The following NCKAP5 variants were observed in gnomAD, a reference collection of about 807,000 sequenced individuals.
NCKAP5 encodes the protein nck-associated protein 5.
NCKAP5 carries 92 observed loss-of-function variants against 167.0 expected under a neutral mutation model. The observed-to-expected ratio is 0.55, with a 90% CI of 0.47 to 0.66. The LOEUF is 0.66. Among genes scored for constraint, NCKAP5 ranks in the 30% least tolerant of loss-of-function variants. NCKAP5 has a pLI of 0.00. For synonymous variants in NCKAP5, 891 were observed against 877.4 expected (o/e 1.02, Z -0.27); for missense variants, 2,378 against 2,315.0 (o/e 1.03, Z -0.56).
chr2:133,191,795 G>A (rs2085234794), intron 5 of NCKAP5, among the ~76,000 whole-genome samples: 2 of 152,094 alleles, frequency 1.3e-5, no homozygotes, highest in Non-Finnish European at 2.9e-5. Context: ...GGGAGGGATA[G>A]CATTAGGAGA....
intron 8 of NCKAP5, among the ~76,000 whole-genome samples, chr2:132,917,415 T>C (rs1382900071): frequency 2.0e-5 from 3 of 152,234 alleles, no homozygotes; most frequent in African/African-American, 7.2e-5. Flanking sequence ...TGATAGTTCA[T>C]AGCCCTTATT....
chr2:133,047,878 T>C (rs2079455078), intron 6 of NCKAP5, among the ~76,000 whole-genome samples: 1 of 152,216 alleles, frequency 6.6e-6, no homozygotes, highest in Admixed American at 6.5e-5. Context: ...TAAAAAATGC[T>C]TTGCAAGGTT....
the NCKAP5 span, among the ~76,000 whole-genome samples, chr2:133,605,406 C>T: frequency 1.1e-4 from 16 of 152,076 alleles, no homozygotes; most frequent in African/African-American, 2.4e-4. Flanking sequence ...TTCTGACAAC[C>T]GAGGCTGTGG....
At chr2:132,810,588 A>G (rs925461108) in intron 11 of NCKAP5, among the ~76,000 whole-genome samples, 3 of 151,964 alleles carry the variant, frequency 2.0e-5, no homozygotes, top group African/African-American at 7.2e-5. Flanking sequence ...AGAGCATTTT[A>G]TATTTCTAAA....
intron 11 of NCKAP5, among the ~76,000 whole-genome samples, chr2:132,843,059 G>A (rs921178661): frequency 3.3e-5 from 5 of 152,080 alleles, no homozygotes; most frequent in African/African-American, 1.2e-4. Flanking sequence ...TTATCAGATA[G>A]TTGGCCTGTA....
the NCKAP5 span, among the ~76,000 whole-genome samples, chr2:133,651,403 A>G: frequency 2.0e-5 from 3 of 152,214 alleles, no homozygotes; most frequent in Non-Finnish European, 4.4e-5. Flanking sequence ...TATATGAAAA[A>G]GTGTTCAACA....
intron 3 of NCKAP5, among the ~76,000 whole-genome samples, chr2:133,369,713 T>C (rs1685677881): frequency 6.6e-6 from 1 of 152,220 alleles, no homozygotes; most frequent in Non-Finnish European, 1.5e-5. Context: ...CATCCAAATA[T>C]GATCAAGTAA....
At chr2:133,093,244 T>C (rs1326988066) in intron 6 of NCKAP5, among the ~76,000 whole-genome samples, 2 of 152,214 alleles carry the variant, frequency 1.3e-5, no homozygotes, top group African/African-American at 4.8e-5. Context: ...CCTAAGTATG[T>C]GATGGCTGTG....
chr2:132,932,906 C>T (rs1195881658), intron 8 of NCKAP5, among the ~76,000 whole-genome samples: 2 of 150,692 alleles, frequency 1.3e-5, no homozygotes, highest in Non-Finnish European at 2.9e-5. Context: ...GCAAATCTTT[C>T]CTGATTATCC....
intron 4 of NCKAP5, among the ~76,000 whole-genome samples, chr2:133,261,938 T>C (rs1040165039): frequency 2.0e-5 from 3 of 152,300 alleles, no homozygotes; most frequent in Non-Finnish European, 4.4e-5. Context: ...AACTTCCCTA[T>C]TAATGATTGT....
intron 4 of NCKAP5, among the ~76,000 whole-genome samples, chr2:133,255,220 C>T (rs1411912844): frequency 2.6e-5 from 4 of 152,282 alleles, no homozygotes; most frequent in Admixed American, 6.5e-5. Flanking sequence ...ATAGTTACCA[C>T]GGAAGTATTC....
At chr2:133,033,448 G>A (rs1573811717) in intron 6 of NCKAP5, among the ~76,000 whole-genome samples, 2 of 152,234 alleles carry the variant, frequency 1.3e-5, no homozygotes, top group African/African-American at 2.4e-5. Flanking sequence ...TCAATGCTCA[G>A]ACATCAAAGA....
chr2:132,789,095 A>G (rs1235911773), intron 13 of NCKAP5, among the ~76,000 whole-genome samples: 1 of 152,192 alleles, frequency 6.6e-6, no homozygotes, highest in Non-Finnish European at 1.5e-5. Flanking sequence ...TTGCCTTAGA[A>G]CATCAAAAGC....
chr2:133,448,998 T>C (rs1691384727), intron 3 of NCKAP5, among the ~76,000 whole-genome samples: 2 of 152,206 alleles, frequency 1.3e-5, no homozygotes, highest in Admixed American at 1.3e-4. Flanking sequence ...ACATGAATAA[T>C]GAGAGAGGAT....
At chr2:133,050,144 T>C (rs2079551697) in intron 6 of NCKAP5, among the ~76,000 whole-genome samples, 1 of 152,226 alleles carries the variant, frequency 6.6e-6, no homozygotes, top group African/African-American at 2.4e-5. Context: ...ATGTTCTTTC[T>C]ATATCTGTAG....
At chr2:132,869,969 A>G (rs1444257962) in intron 9 of NCKAP5, among the ~76,000 whole-genome samples, 2 of 152,116 alleles carry the variant, frequency 1.3e-5, no homozygotes. Context: ...CAGGGATCTC[A>G]TTTTCTTCAA....
chr2:132,966,389 C>T (rs990295772), intron 7 of NCKAP5, among the ~76,000 whole-genome samples: 3 of 152,174 alleles, frequency 2.0e-5, no homozygotes, highest in African/African-American at 7.2e-5. Context: ...CCTAAGCCAC[C>T]ACACCTAGCC....
the NCKAP5 span, among the ~76,000 whole-genome samples, chr2:133,655,507 C>T: frequency 6.6e-6 from 1 of 152,114 alleles, no homozygotes; most frequent in Non-Finnish European, 1.5e-5. Context: ...ACCTTAGACA[C>T]CCACTGAGAT....
At chr2:133,197,210 C>CT (rs1259588064) in intron 5 of NCKAP5, among the ~76,000 whole-genome samples, 1 of 152,182 alleles carries the variant, frequency 6.6e-6, no homozygotes, top group Non-Finnish European at 1.5e-5. Context: ...AAGTACTATG[C>CT]TTGCCTCTGA....
Sources: gnomAD v4.1 joint callset for allele counts (sites outside exome capture counted in the v4.1 genomes callset) on GRCh38, gnomAD v4.1.1 for gene constraint, MANE v1.5 for transcripts, NCBI Gene and HGNC (gene_info 2026-07-23, HGNC 2026-07-21) for gene names.